Variants in MTA3 observed in about 807,000 individuals in gnomAD.
MTA3 encodes the protein metastasis-associated protein MTA3.
A neutral mutation model predicts 83.5 loss-of-function variants in MTA3; 34 were observed. That is an observed-to-expected ratio of 0.41 (90% CI 0.31 to 0.54). MTA3 has a LOEUF of 0.54. MTA3 is among the 20% of genes least tolerant of loss of function. The pLI is 0.33. For synonymous variants in MTA3, 303 were observed against 252.7 expected, an observed-to-expected ratio of 1.20 and a Z score of -1.89; for missense variants, 761 against 726.4, an observed-to-expected ratio of 1.05 and a Z score of -0.55.
At chr2:42,729,097 T>TG (rs1558626049) in intron 16 of MTA3, among the ~76,000 whole-genome samples, 3 of 121,402 alleles carry the variant, frequency 2.5e-5, no homozygotes, top group East Asian at 4.3e-4. Context: ...TTTTTTTTTT[T>TG]TTTTTTTTTT....
chr2:42,660,783 A>G (rs978051665), intron 8 of MTA3, among the ~76,000 whole-genome samples: 2 of 152,248 alleles, frequency 1.3e-5, no homozygotes, highest in Admixed American at 1.3e-4. Context: ...CATAATGCCA[A>G]TTTGACATGC....
At chr2:42,644,845 G>A (rs1039465635) in intron 6 of MTA3, among the ~76,000 whole-genome samples, 2 of 152,146 alleles carry the variant, frequency 1.3e-5, no homozygotes, top group Non-Finnish European at 2.9e-5. Context: ...TGTGTGTTCT[G>A]AGTGCTCCAC....
At chr2:42,669,242 CT>C (rs1448486971) in intron 8 of MTA3, among the ~76,000 whole-genome samples, 1 of 151,998 alleles carries the variant, frequency 6.6e-6, no homozygotes, top group Non-Finnish European at 1.5e-5. Context: ...CCCTGCCCCC[CT>C]GGCTAATTTT....
At chr2:42,510,458 C>T (rs1023299863) in intron 2 of MTA3, among the ~76,000 whole-genome samples, 16 of 152,148 alleles carry the variant, frequency 1.1e-4, no homozygotes, top group African/African-American at 3.9e-4. Flanking sequence ...TCTGGGTCCC[C>T]GCCTTCACCC....
At chr2:42,591,506 T>G (rs1680989198) in intron 3 of MTA3, among the ~76,000 whole-genome samples, 1 of 152,198 alleles carries the variant, frequency 6.6e-6, no homozygotes. Flanking sequence ...ACTTTTTAAC[T>G]TCATAAACCT....
At chr2:42,725,941 G>A (rs1667780577) in intron 16 of MTA3, among the ~76,000 whole-genome samples, 1 of 152,184 alleles carries the variant, frequency 6.6e-6, no homozygotes, top group African/African-American at 2.4e-5. Flanking sequence ...CTTGTGTTAC[G>A]AATGGACCTT....
chr2:42,706,790 G>C (rs1009458389), intron 12 of MTA3, among the ~76,000 whole-genome samples: 1 of 152,176 alleles, frequency 6.6e-6, no homozygotes, highest in Admixed American at 6.5e-5. Flanking sequence ...CTGAGTTTTA[G>C]GCCTCAAGCA....
intron 4 of MTA3, among the ~76,000 whole-genome samples, chr2:42,612,708 A>G (rs1472868758): frequency 2.0e-5 from 3 of 152,114 alleles, no homozygotes; most frequent in Admixed American, 2.0e-4. Context: ...TAAAAACACA[A>G]AAATTAGCTG....
At chr2:42,652,123 C>CA (rs1377809326) in intron 6 of MTA3, among the ~76,000 whole-genome samples, 27 of 152,108 alleles carry the variant, frequency 1.8e-4, no homozygotes, top group Middle Eastern at 3.4e-3. Context: ...GAGTTAGTGA[C>CA]ACAGGTTACA....
At chr2:42,553,020 T>C (rs1351296582) in intron 2 of MTA3, among the ~76,000 whole-genome samples, 1 of 151,450 alleles carries the variant, frequency 6.6e-6, no homozygotes, top group Non-Finnish European at 1.5e-5. Context: ...CTCACACCTA[T>C]AATCCCAGCA....
At chr2:42,603,133 G>T (rs1262318272) in intron 3 of MTA3, among the ~76,000 whole-genome samples, 3 of 149,446 alleles carry the variant, frequency 2.0e-5, no homozygotes, top group Non-Finnish European at 4.4e-5. Context: ...TTTGCTGGGG[G>T]TAGGGTGGAA....
chr2:42,666,543 T>G lies in MTA3; in HGVS notation c.702+6681T>G, dbSNP rs1690251380. On this transcript the variant is annotated intron_variant, in intron 8 of 16. Coordinates refer to ENST00000405094, the MANE Select transcript of MTA3 (RefSeq NM_001330442.2). ...ACTTGCATGTTCAGGTCCCTTTCCCTGATGCTCTCATAGCCCCACATAGTT... is the reference window on the plus strand; with the variant it reads ...ACTTGCATGTTCAGGTCCCTTTCCCGGATGCTCTCATAGCCCCACATAGTT... Among the ~76,000 whole-genome samples the G allele has an allele frequency of 2.6e-5, 4 of 152,320 alleles. No individual in the cohort carries two copies. In the South Asian group the frequency reaches 8.3e-4, roughly 32 times the overall value.
chr2:42,508,857 AATATATT>A (rs1025781480), intron 2 of MTA3, among the ~76,000 whole-genome samples: 2 of 146,622 alleles, frequency 1.4e-5, no homozygotes, highest in African/African-American at 5.0e-5. Flanking sequence ...TAAATTATTA[AATATATT>A]ATATAATATA....
At chr2:42,512,087 A>G (rs2103670876) in intron 2 of MTA3, among the ~76,000 whole-genome samples, 1 of 151,456 alleles carries the variant, frequency 6.6e-6, no homozygotes, top group South Asian at 2.1e-4. Flanking sequence ...GAAACCTGAG[A>G]AGTATAGCAA....
At chr2:42,599,390 C>T (rs111808381) in intron 3 of MTA3, among the ~76,000 whole-genome samples, 2,028 of 151,264 alleles carry the variant, frequency 0.013, 53 homozygotes, top group African/African-American at 0.047. Flanking sequence ...GTCAGGAGAT[C>T]GAGACCATCC....
At chr2:42,682,343 C>T in intron 8 of MTA3, 58 bp from the exon 9 acceptor site, 1 of 1,284,930 alleles carries the variant, frequency 7.8e-7, no homozygotes, top group South Asian at 1.6e-5. Context: ...TATATTCTTA[C>T]ATAATGTAGC....
intron 8 of MTA3, among the ~76,000 whole-genome samples, chr2:42,669,189 A>G (rs1281726889): frequency 6.7e-6 from 1 of 149,392 alleles, no homozygotes; most frequent in Non-Finnish European, 1.5e-5. Context: ...GGTTCAAGCG[A>G]TTCTCCTGCC....
Position 42,755,199 on chromosome 2 carries a change from T to C in MTA3, c.*1800T>C, listed in dbSNP as rs1266938218. On this transcript the variant is annotated 3_prime_UTR_variant, in exon 17 of 17. Transcript: ENST00000405094. ...GGAAAGCTGTCTGTCTGTACCCTGC[T>C]CTGGATTTATTGTCGTACTTGGACC... 3 of 985,410 alleles carry C rather than the reference T, an allele frequency of 3.0e-6. No individual in the cohort carries two copies. In the African/African-American group the frequency reaches 5.2e-5, roughly 17 times the overall value. The allele number at this position is 985,410 out of a possible 1,614,324, so 61.0% of individuals were successfully genotyped here. A position where few individuals can be genotyped will look rare whatever the true frequency, so the allele number is the denominator to read the frequency against.
intron 16 of MTA3, among the ~76,000 whole-genome samples, chr2:42,740,141 G>C (rs916118050): frequency 3.3e-5 from 5 of 152,230 alleles, no homozygotes; most frequent in Admixed American, 6.5e-5. Flanking sequence ...ACTTTGCCCA[G>C]ATCCATCAGA....
Sources: gnomAD v4.1 joint callset for allele counts (sites outside exome capture counted in the v4.1 genomes callset) on GRCh38, gnomAD v4.1.1 for gene constraint, MANE v1.5 for transcripts, NCBI Gene and HGNC (gene_info 2026-07-23, HGNC 2026-07-21) for gene names.